CSMD1: variants seen among roughly 807,000 people sequenced by gnomAD.
The protein encoded by CSMD1 is CUB and Sushi multiple domains 1, also known as CUB and sushi domain-containing protein 1.
CSMD1 carries 213 observed loss-of-function variants against 417.5 expected under a neutral mutation model. The observed-to-expected ratio is 0.51, with a 90% CI of 0.46 to 0.57. The LOEUF (loss-of-function observed/expected upper bound fraction) is 0.57. Among genes scored for constraint, CSMD1 ranks in the 20% least tolerant of loss-of-function variants. The probability of loss-of-function intolerance (pLI) is 0.00; values close to 1 mark genes in which losing one functional copy is unlikely to be tolerated. For missense variants in CSMD1, 6,923 were observed against 4,529.7 expected, an observed-to-expected ratio of 1.53 and a Z score of -15.17; for synonymous variants, 2,862 against 1,736.8, an observed-to-expected ratio of 1.65 and a Z score of -16.11.
At chr8:4,952,961 G>A (rs1429817405) in intron 1 of CSMD1, among the ~76,000 whole-genome samples, 2 of 152,156 alleles carry the variant, frequency 1.3e-5, no homozygotes, top group Non-Finnish European at 2.9e-5. Context: ...TGATACAAAA[G>A]TAGAAGGCTG....
intron 3 of CSMD1, among the ~76,000 whole-genome samples, chr8:4,212,182 A>T (rs1800354340): frequency 6.7e-6 from 1 of 148,502 alleles, no homozygotes; most frequent in African/African-American, 2.5e-5. Context: ...ATTTATATAT[A>T]TATATATATA....
intron 5 of CSMD1, among the ~76,000 whole-genome samples, chr8:3,788,541 A>ATCCG (rs1799566562): frequency 6.6e-6 from 1 of 152,176 alleles, no homozygotes; most frequent in African/African-American, 2.4e-5. Context: ...ATATTTATTC[A>ATCCG]ACCATCCATC....
intron 2 of CSMD1, among the ~76,000 whole-genome samples, chr8:4,431,961 C>G (rs1797893787): frequency 6.6e-6 from 1 of 152,012 alleles, no homozygotes; most frequent in African/African-American, 2.4e-5. Context: ...GTTTTAAAAG[C>G]CACGGCAGTA....
intron 5 of CSMD1, among the ~76,000 whole-genome samples, chr8:3,946,021 A>T (rs556765642): frequency 6.6e-6 from 1 of 152,136 alleles, no homozygotes; most frequent in Non-Finnish European, 1.5e-5. Flanking sequence ...TGCTCATAAC[A>T]TTCTACGATG....
chr8:4,672,617 A>G (rs1805398222), intron 1 of CSMD1, among the ~76,000 whole-genome samples: 1 of 152,232 alleles, frequency 6.6e-6, no homozygotes, highest in East Asian at 1.9e-4. Context: ...CGTATGCAGA[A>G]AAATTAAAAA....
At chr8:3,111,966 G>T (rs977155217) in intron 42 of CSMD1, among the ~76,000 whole-genome samples, 11 of 151,932 alleles carry the variant, frequency 7.2e-5, no homozygotes, top group African/African-American at 2.2e-4. Context: ...CTATTTTTCT[G>T]CCAAGGCAAA....
chr8:3,679,273 T>C (rs370736108), intron 7 of CSMD1, among the ~76,000 whole-genome samples: 7 of 152,048 alleles, frequency 4.6e-5, no homozygotes, highest in Non-Finnish European at 8.8e-5. Context: ...CATCAGTGTG[T>C]TGTATTCAGG....
chr8:3,252,346 T>A lies in CSMD1; in HGVS notation c.4154-22115A>T, dbSNP rs148991280. 9.8e-3 allele frequency among the ~76,000 whole-genome samples: 1,488 copies of A among 152,332 alleles called. 28 individuals carry two copies. The highest frequency in any genetic ancestry group is 0.034 in the African/African-American group (1,406 of 41,568). On this transcript the variant is annotated intron_variant, in intron 26 of 69. Coordinates refer to ENST00000635120, the MANE Select transcript of CSMD1 (RefSeq NM_033225.6). ...ACGTGGTTTTTGTCTTTGGTTCTGTTTATATGCTGGATTACATTTATTGAT... is the reference window on the plus strand; with the variant it reads ...ACGTGGTTTTTGTCTTTGGTTCTGTATATATGCTGGATTACATTTATTGAT...
At chr8:4,979,963 G>C (rs959082451) in intron 1 of CSMD1, among the ~76,000 whole-genome samples, 2 of 152,164 alleles carry the variant, frequency 1.3e-5, no homozygotes, top group African/African-American at 2.4e-5. Context: ...GTGTGAACCT[G>C]GGAGGCGCAG....
At chr8:4,826,493 T>C (rs1295776603) in intron 1 of CSMD1, among the ~76,000 whole-genome samples, 1 of 152,160 alleles carries the variant, frequency 6.6e-6, no homozygotes, top group Admixed American at 6.5e-5. Flanking sequence ...ATGTTGTTTT[T>C]ATTTATTTAT....
At chr8:4,527,599 T>C (rs1796583877) in intron 2 of CSMD1, among the ~76,000 whole-genome samples, 1 of 152,134 alleles carries the variant, frequency 6.6e-6, no homozygotes, top group Non-Finnish European at 1.5e-5. Context: ...CTTAAGAAGT[T>C]GGTAGGGCCC....
chr8:2,942,472 C>G lies in CSMD1; in HGVS notation c.10535G>C (p.Arg3512Thr), dbSNP rs1053062544. The change falls in exon 69 of 70, where the codon AGA becomes ACA. Residue 3512 changes from arginine (R) to threonine (T), a missense_variant and splice_region_variant. Transcript: ENST00000635120. ...CAAACAGATGGTGTTTCTGCAGTAC[C>G]TGTGTTTGTAGAGGTAAAATGCAAA... is the stretch of plus-strand genomic sequence containing the variant. ...SGFAFYLYKHRTRPKVQYNGY... is the reference protein window; with the variant it reads ...SGFAFYLYKHTTRPKVQYNGY... 1 of 1,611,586 alleles carries G rather than the reference C, an allele frequency of 6.2e-7. No homozygotes were observed. Among genetic ancestry groups the G allele is most frequent in the Non-Finnish European group, 8.5e-7 (1 of 1,178,660 alleles).
Position 3,621,982 on chromosome 8 carries a change from T to C in CSMD1, c.1010-5185A>G, listed in dbSNP as rs532728764. ...TCTTATGTCTCTCTCTCTCTTTGTG[T>C]GTGTGTGTATGTGTGTGTGTGTGTG... On this transcript the variant is annotated intron_variant, in intron 7 of 69. Coordinates refer to ENST00000635120, the MANE Select transcript of CSMD1 (RefSeq NM_033225.6). Among the ~76,000 whole-genome samples, 4 of 113,036 alleles carry C rather than the reference T, an allele frequency of 3.5e-5. No individual in the cohort carries two copies. In the South Asian group the frequency reaches 1.2e-3, roughly 35 times the overall value. The allele number at this position is 113,036 out of a possible 152,430, so 74.2% of individuals were successfully genotyped here. A position where few individuals can be genotyped will look rare whatever the true frequency, so the allele number is the denominator to read the frequency against.
chr8:3,547,029 C>G (rs1798696243), intron 10 of CSMD1, among the ~76,000 whole-genome samples: 1 of 152,268 alleles, frequency 6.6e-6, no homozygotes, highest in East Asian at 1.9e-4. Flanking sequence ...TGGGGCTGGT[C>G]AGGGCCCCTT....
At chr8:2,971,373 C>T (rs2128932009) in intron 57 of CSMD1, among the ~76,000 whole-genome samples, 1 of 152,276 alleles carries the variant, frequency 6.6e-6, no homozygotes, top group South Asian at 2.1e-4. Flanking sequence ...AAGAATCACT[C>T]AGACGGTGTC....
At chr8:3,907,664 G>C (rs531304742) in intron 5 of CSMD1, among the ~76,000 whole-genome samples, 4 of 152,278 alleles carry the variant, frequency 2.6e-5, no homozygotes, top group African/African-American at 9.6e-5. Flanking sequence ...GTATTAGGAA[G>C]ATTCAGGCAG....
At chr8:4,041,147 G>C (rs1299796994) in intron 3 of CSMD1, among the ~76,000 whole-genome samples, 1 of 151,148 alleles carries the variant, frequency 6.6e-6, no homozygotes, top group Non-Finnish European at 1.5e-5. Context: ...CTCCCGAGTA[G>C]CTGGGACTAC....
At chr8:3,910,907 G>A (rs866454385) in intron 5 of CSMD1, among the ~76,000 whole-genome samples, 10 of 151,672 alleles carry the variant, frequency 6.6e-5, no homozygotes, top group African/African-American at 2.2e-4. Flanking sequence ...TTCCTACACA[G>A]TATCTACACA....
chr8:4,438,303 G>A (rs371438252), intron 2 of CSMD1, among the ~76,000 whole-genome samples: 7 of 152,204 alleles, frequency 4.6e-5, no homozygotes, highest in African/African-American at 1.4e-4. Context: ...TGCTCATGGA[G>A]GTGGTGTCTG....
Sources: gnomAD v4.1 joint callset for allele counts (sites outside exome capture counted in the v4.1 genomes callset) on GRCh38, gnomAD v4.1.1 for gene constraint, MANE v1.5 for transcripts, NCBI Gene and HGNC (gene_info 2026-07-23, HGNC 2026-07-21) for gene names.